Variants in NXN observed in about 807,000 individuals in gnomAD.
NXN encodes nucleoredoxin.
Under a neutral mutation model 48.6 loss-of-function variants are expected in NXN, and 16 were observed. The ratio of observed to expected loss-of-function variants is 0.33; its 90% confidence interval spans 0.22 to 0.50. NXN has a LOEUF of 0.50. NXN is among the 20% of genes least tolerant of loss of function. The pLI is 0.98. For missense variants in NXN, 492 were observed against 605.5 expected (o/e 0.81, Z 1.97); for synonymous variants, 281 against 269.6 (o/e 1.04, Z -0.41).
chr17:808,484 G>A (rs533690375), intron 5 of NXN, among the ~76,000 whole-genome samples: 2 of 151,810 alleles, frequency 1.3e-5, no homozygotes, highest in African/African-American at 2.4e-5. Context: ...TAGTAGAAAC[G>A]GGGTTTCCCC....
intron 1 of NXN, among the ~76,000 whole-genome samples, chr17:901,349 GC>G (rs1191392400): frequency 5.3e-5 from 8 of 152,272 alleles, no homozygotes; most frequent in African/African-American, 1.9e-4. Context: ...TGGCACAAAG[GC>G]AGACACTTAA....
intron 1 of NXN, among the ~76,000 whole-genome samples, chr17:967,838 G>A (rs2069325076): frequency 6.6e-6 from 1 of 152,134 alleles, no homozygotes; most frequent in South Asian, 2.1e-4. Context: ...CAGGCATGGT[G>A]GCGGGCACCT....
chr17:903,956 A>G (rs1310061275), intron 1 of NXN, among the ~76,000 whole-genome samples: 3 of 152,142 alleles, frequency 2.0e-5, no homozygotes, highest in Non-Finnish European at 2.9e-5. Context: ...TTTGTGGTAA[A>G]AGTCACTAGT....
intron 1 of NXN, chr17:878,167 C>T (rs561811): frequency 0.23 from 34,885 of 151,336 alleles, 6,644 homozygotes; most frequent in African/African-American, 0.52. Flanking sequence ...AGGTAACATG[C>T]TGAAAAGACA....
intron 1 of NXN, among the ~76,000 whole-genome samples, chr17:876,130 C>G (rs1379922453): frequency 6.7e-6 from 1 of 150,108 alleles, no homozygotes. Flanking sequence ...TGCAGCGTGC[C>G]AAGACCGTGC....
At chr17:955,060 G>A (rs988380245) in intron 1 of NXN, among the ~76,000 whole-genome samples, 3 of 152,020 alleles carry the variant, frequency 2.0e-5, no homozygotes, top group South Asian at 2.1e-4. Flanking sequence ...ATGAGCCCCC[G>A]CGACGGGGAG....
At chr17:881,920 C>T (rs1023388914) in intron 1 of NXN, among the ~76,000 whole-genome samples, 1 of 152,120 alleles carries the variant, frequency 6.6e-6, no homozygotes, top group Admixed American at 6.6e-5. Flanking sequence ...ATTACAGTGA[C>T]AGAAAACCAA....
intron 1 of NXN, among the ~76,000 whole-genome samples, chr17:975,797 A>C (rs2069451146): frequency 6.6e-6 from 1 of 152,162 alleles, no homozygotes; most frequent in South Asian, 2.1e-4. Flanking sequence ...CCGGAGACGG[A>C]CCTCTCCAGT....
At chr17:812,102 T>TATTTTTAGTAGAGAC (rs1912072670) in intron 5 of NXN, among the ~76,000 whole-genome samples, 1 of 150,898 alleles carries the variant, frequency 6.6e-6, no homozygotes, top group Non-Finnish European at 1.5e-5. Flanking sequence ...TAATTTTTTG[T>TATTTTTAGTAGAGAC]ATTTTTAATA....
chr17:839,502 G>A (rs1307740256), intron 1 of NXN, among the ~76,000 whole-genome samples: 1 of 151,194 alleles, frequency 6.6e-6, no homozygotes, highest in Non-Finnish European at 1.5e-5. Flanking sequence ...ATAATGAGGA[G>A]GAGGATATCT....
chr17:926,079 G>C (rs934756290), intron 1 of NXN, among the ~76,000 whole-genome samples: 1 of 152,232 alleles, frequency 6.6e-6, no homozygotes, highest in Non-Finnish European at 1.5e-5. Flanking sequence ...TGTCTTAGCA[G>C]AATTATGACC....
At chr17:829,140 CT>C (rs762247640) in intron 1 of NXN, among the ~76,000 whole-genome samples, 5,263 of 128,612 alleles carry the variant, frequency 0.041, 201 homozygotes, top group East Asian at 0.14. Flanking sequence ...GTTGCTTATC[CT>C]TTTTTTTTTT....
In NXN at chr17:803,753, C is replaced by A; in HGVS notation, c.1054G>T (p.Ala352Ser). 1 of 1,614,270 alleles carries A rather than the reference C, an allele frequency of 6.2e-7. No individual in the cohort carries two copies. The highest frequency in any genetic ancestry group is 8.5e-7 in the Non-Finnish European group (1 of 1,180,050). Residue 352 changes from alanine (A) to serine (S), a missense_variant, in exon 7 of 8, where the codon GCT (alanine) becomes TCT (serine). Around this residue, in one of 3 missense-constraint regions of NXN, gnomAD observed 303 missense variants for 388.3 expected, o/e 0.78. Transcript: ENST00000336868. ...EAAKQLIQPIAEKIIAKYKAK... is the reference protein window; with the variant it reads ...EAAKQLIQPISEKIIAKYKAK... ...TTGTACTTGGCAATGATTTTCTCAGCTATCGGCTGAATCAGCTGCTTGGCC... is the reference window on the plus strand; with the variant it reads ...TTGTACTTGGCAATGATTTTCTCAGATATCGGCTGAATCAGCTGCTTGGCC...
intron 6 of NXN, 178 bp from the exon 7 acceptor site, chr17:803,984 C>T: frequency 1.4e-6 from 1 of 729,160 alleles, no homozygotes; most frequent in Non-Finnish European, 2.2e-6. Flanking sequence ...TGTGTGTGCA[C>T]ATGCGTCCCA....
intron 1 of NXN, among the ~76,000 whole-genome samples, chr17:852,152 C>T (rs376354620): frequency 9.9e-5 from 15 of 152,222 alleles, no homozygotes; most frequent in African/African-American, 3.4e-4. Flanking sequence ...GGCCCCGCAG[C>T]CTCTAGAAGG....
At chr17:843,060 GAAGA>G (rs199745822) in intron 1 of NXN, among the ~76,000 whole-genome samples, 1 of 109,282 alleles carries the variant, frequency 9.2e-6, no homozygotes, top group Admixed American at 8.2e-5. Context: ...AAGAAAGAAG[GAAGA>G]AAGCAAGCAA....
At chr17:846,423 AAAAAAAAAG>A (rs1396452226) in intron 1 of NXN, among the ~76,000 whole-genome samples, 10 of 149,688 alleles carry the variant, frequency 6.7e-5, no homozygotes, top group African/African-American at 7.3e-5. Context: ...CAAAAAAAAA[AAAAAAAAAG>A]AAAAGAAAAA....
At chr17:842,957 AAAG>A (rs1353120266) in intron 1 of NXN, among the ~76,000 whole-genome samples, 5 of 144,452 alleles carry the variant, frequency 3.5e-5, no homozygotes, top group South Asian at 4.6e-4. Context: ...GAAAGGAAAG[AAAG>A]AAAGAGAGAA....
chr17:877,121 C>T (rs533415383), intron 1 of NXN, among the ~76,000 whole-genome samples: 14 of 151,766 alleles, frequency 9.2e-5, no homozygotes, highest in Non-Finnish European at 1.5e-4. Context: ...ATTAAACAAA[C>T]GTACTAAACA....
Sources: allele counts gnomAD v4.1 joint callset (sites outside exome capture counted in the v4.1 genomes callset), GRCh38; gene constraint gnomAD v4.1.1; regional missense constraint gnomAD v4.1.1; transcripts MANE v1.5; gene names NCBI Gene and HGNC (gene_info 2026-07-23, HGNC 2026-07-21).